RIPOR2: variants seen among roughly 807,000 people sequenced by gnomAD.
RIPOR2 encodes the protein RHO family interacting cell polarization regulator 2.
RIPOR2 carries 39 observed loss-of-function variants against 114.5 expected under a neutral mutation model. The ratio of observed to expected loss-of-function variants is 0.34; its 90% CI spans 0.26 to 0.44. The LOEUF (loss-of-function observed/expected upper bound fraction) is 0.44, where lower values mean the gene tolerates loss of function less well. RIPOR2 is among the 20% of genes least tolerant of loss of function. The pLI is 1.00. For synonymous variants in RIPOR2, 445 were observed against 484.4 expected, an observed-to-expected ratio of 0.92 and a Z score of 1.07; for missense variants, 1,007 against 1,255.1, an observed-to-expected ratio of 0.80 and a Z score of 2.99.
intron 13 of RIPOR2, among the ~76,000 whole-genome samples, chr6:24,841,691 C>G (rs376542942): frequency 1.3e-4 from 19 of 150,840 alleles, no homozygotes; most frequent in South Asian, 4.2e-4. Context: ...GATCTCGGCT[C>G]ACTACAACCT....
At chr6:24,893,225 T>C (rs1767543618) in intron 1 of RIPOR2, among the ~76,000 whole-genome samples, 1 of 152,246 alleles carries the variant, frequency 6.6e-6, no homozygotes, top group Non-Finnish European at 1.5e-5. Context: ...TGTTACCTCA[T>C]TTACTCTATT....
intron 1 of RIPOR2, among the ~76,000 whole-genome samples, chr6:24,894,205 T>C (rs1054430885): frequency 5.9e-5 from 9 of 152,232 alleles, no homozygotes; most frequent in Non-Finnish European, 1.2e-4. Context: ...TTCAGGACAA[T>C]ATTTCATGTT....
At chr6:24,929,962 G>A (rs1199130685) in intron 1 of RIPOR2, among the ~76,000 whole-genome samples, 1 of 152,148 alleles carries the variant, frequency 6.6e-6, no homozygotes, top group East Asian at 1.9e-4. Flanking sequence ...TGTAGTCCCA[G>A]CTACTTGGAG....
rs563506618 is a variant in RIPOR2, at chr6:24,893,796, T to C, written c.62-17979A>G. Among the ~76,000 whole-genome samples, 3 of 152,302 alleles carry C rather than the reference T, an allele frequency of 2.0e-5. No individual in the cohort carries two copies. The East Asian group carries it at 5.8e-4, about 29-fold the overall frequency. On this transcript the variant is annotated intron_variant, in intron 1 of 21. Coordinates refer to ENST00000643898, the MANE Select transcript of RIPOR2 (RefSeq NM_001286445.3). ...TTGTCAGGGAACCTTAGATTTTGCC[T>C]CTATCATCTGGTTTATAGGGAGAAG...
At chr6:24,961,088 T>A (rs1773280295) in intron 1 of RIPOR2, among the ~76,000 whole-genome samples, 1 of 152,068 alleles carries the variant, frequency 6.6e-6, no homozygotes, top group Non-Finnish European at 1.5e-5. Flanking sequence ...CAAAGAACCA[T>A]AAGGCAAACA....
At chr6:24,894,575 C>T (rs1183665201) in intron 1 of RIPOR2, among the ~76,000 whole-genome samples, 1 of 152,158 alleles carries the variant, frequency 6.6e-6, no homozygotes, top group African/African-American at 2.4e-5. Flanking sequence ...TGCCTTGTGG[C>T]CCCACAAACA....
intron 19 of RIPOR2, among the ~76,000 whole-genome samples, chr6:24,823,221 T>A (rs1208297195): frequency 2.0e-5 from 3 of 152,220 alleles, no homozygotes; most frequent in African/African-American, 7.2e-5. Flanking sequence ...GTGCTTTGCA[T>A]CTAGTTTTAA....
rs376668667 is a variant in RIPOR2 at position 24,904,030 on chromosome 6, C to T, written c.62-28213G>A. ...AGCTGAAAACTGCACTGCCCAGAAT[C>T]CCCTGCAGCTAGGATTCCATGTGTG... On this transcript the variant is annotated intron_variant, in intron 1 of 21. Transcript: ENST00000643898. Among the ~76,000 whole-genome samples the T allele has an allele frequency of 2.6e-5, 4 of 152,334 alleles. No individual in the cohort carries two copies. In the East Asian group the frequency reaches 7.7e-4, roughly 29 times the overall value.
chr6:25,040,148 G>A (rs1252293056), intron 1 of RIPOR2, among the ~76,000 whole-genome samples: 3 of 148,158 alleles, frequency 2.0e-5, no homozygotes, highest in Non-Finnish European at 4.4e-5. Context: ...ATGGAGTTTC[G>A]CTCATCGCCC....
intron 7 of RIPOR2, among the ~76,000 whole-genome samples, chr6:24,863,199 C>A (rs771949033): frequency 2.0e-5 from 3 of 152,112 alleles, no homozygotes; most frequent in Non-Finnish European, 4.4e-5. Flanking sequence ...GTGAACCTCC[C>A]AACTTGGCCT....
At chr6:24,850,872 G>A in intron 9 of RIPOR2, 150 bp from the exon 10 acceptor site, 2 of 889,730 alleles carry the variant, frequency 2.2e-6, no homozygotes, top group South Asian at 3.2e-5. Context: ...GGGTGTGAAT[G>A]GAGCTGGGGA....
intron 1 of RIPOR2, among the ~76,000 whole-genome samples, chr6:24,903,297 G>A (rs11758449): frequency 1.3e-5 from 2 of 152,190 alleles, no homozygotes; most frequent in East Asian, 3.9e-4. Flanking sequence ...TTATGATCTA[G>A]CCTTAGAAAT....
At chr6:25,009,408 G>T (rs1775689377) in intron 1 of RIPOR2, among the ~76,000 whole-genome samples, 1 of 152,156 alleles carries the variant, frequency 6.6e-6, no homozygotes, top group Admixed American at 6.5e-5. Context: ...AAATCCCTTA[G>T]AAATCGTCTT....
At chr6:24,971,053 T>C (rs1313428859) in intron 1 of RIPOR2, among the ~76,000 whole-genome samples, 1 of 152,186 alleles carries the variant, frequency 6.6e-6, no homozygotes, top group Admixed American at 6.5e-5. Flanking sequence ...ATGACAGTAT[T>C]TTTATTATTG....
intron 1 of RIPOR2, among the ~76,000 whole-genome samples, chr6:25,031,520 C>T (rs1291333172): frequency 2.0e-5 from 3 of 149,486 alleles, no homozygotes; most frequent in Non-Finnish European, 3.0e-5. Context: ...ATAAACATGA[C>T]TAAAAATTTT....
At chr6:24,897,794 T>G (rs950219454) in intron 1 of RIPOR2, among the ~76,000 whole-genome samples, 1 of 152,030 alleles carries the variant, frequency 6.6e-6, no homozygotes, top group South Asian at 2.1e-4. Flanking sequence ...TGAGATGATG[T>G]CTGGTTCTAT....
At chr6:25,003,348 A>G (rs1420126429) in intron 1 of RIPOR2, among the ~76,000 whole-genome samples, 1 of 151,492 alleles carries the variant, frequency 6.6e-6, no homozygotes, top group Non-Finnish European at 1.5e-5. Flanking sequence ...TCTTTGAAAG[A>G]GGTCTACATG....
intron 1 of RIPOR2, among the ~76,000 whole-genome samples, chr6:24,919,668 G>A (rs1770329939): frequency 6.6e-6 from 1 of 152,158 alleles, no homozygotes; most frequent in African/African-American, 2.4e-5. Flanking sequence ...CACACAAGAC[G>A]ATGGCTAAGT....
intron 1 of RIPOR2, among the ~76,000 whole-genome samples, chr6:24,922,346 G>A (rs968088857): frequency 2.0e-5 from 3 of 152,124 alleles, no homozygotes; most frequent in African/African-American, 4.8e-5. Flanking sequence ...TCTCACATAC[G>A]CTGTTATAAA....
Sources: allele counts gnomAD v4.1 joint callset (sites outside exome capture counted in the v4.1 genomes callset), GRCh38; gene constraint gnomAD v4.1.1; transcripts MANE v1.5; gene names NCBI Gene and HGNC (gene_info 2026-07-23, HGNC 2026-07-21).